PKHD1: variants seen among roughly 807,000 people sequenced by gnomAD.
PKHD1 encodes PKHD1 ciliary IPT domain containing fibrocystin/polyductin, also known as fibrocystin.
PKHD1 carries 291 observed loss-of-function variants against 412.0 expected under a neutral mutation model. The ratio of observed to expected loss-of-function variants is 0.71; its 90% CI spans 0.64 to 0.78. The LOEUF (loss-of-function observed/expected upper bound fraction) is 0.78. Among genes scored for constraint, PKHD1 ranks in the 30% least tolerant of loss-of-function variants. The probability of loss-of-function intolerance (pLI) is 0.00; values close to 1 mark genes in which losing one functional copy is unlikely to be tolerated. For missense variants in PKHD1, 4,825 were observed against 4,950.7 expected, an observed-to-expected ratio of 0.97 and a Z score of 0.76; for synonymous variants, 1,777 against 1,821.5, an observed-to-expected ratio of 0.98 and a Z score of 0.62.
intron 37 of PKHD1, among the ~76,000 whole-genome samples, chr6:51,929,317 T>C (rs1212961843): frequency 2.0e-5 from 3 of 152,168 alleles, no homozygotes; most frequent in African/African-American, 7.2e-5. Context: ...ACACCACAGC[T>C]AAAAGAATGA....
intron 37 of PKHD1, among the ~76,000 whole-genome samples, chr6:51,928,825 C>T (rs890992586): frequency 3.3e-5 from 5 of 152,114 alleles, no homozygotes; most frequent in African/African-American, 1.2e-4. Context: ...GTCCTGTGGA[C>T]ATTCGGACCC....
intron 52 of PKHD1, among the ~76,000 whole-genome samples, chr6:51,811,588 C>T (rs1440358345): frequency 6.6e-6 from 1 of 152,004 alleles, no homozygotes; most frequent in Non-Finnish European, 1.5e-5. Context: ...CTATTGGGTC[C>T]AAATATTGTC....
intron 10 of PKHD1, among the ~76,000 whole-genome samples, chr6:52,070,112 A>G (rs183859456): frequency 2.0e-5 from 3 of 152,294 alleles, no homozygotes; most frequent in African/African-American, 7.2e-5. Flanking sequence ...TCCTTATAAG[A>G]TACTTGTGAC....
chr6:51,625,099 A>G (rs1000927307), intron 66 of PKHD1, among the ~76,000 whole-genome samples: 2 of 152,186 alleles, frequency 1.3e-5, no homozygotes, highest in Non-Finnish European at 2.9e-5. Flanking sequence ...TGACCGTACC[A>G]TGCCATTTTT....
chr6:51,816,296 G>A (rs1166069691), intron 52 of PKHD1, among the ~76,000 whole-genome samples: 2 of 151,106 alleles, frequency 1.3e-5, no homozygotes, highest in Non-Finnish European at 3.0e-5. Flanking sequence ...TATGTTGGAA[G>A]CCCCCTACTT....
chr6:51,721,794 A>T (rs895104250), intron 60 of PKHD1: 1 of 1,458,642 alleles, frequency 6.9e-7, no homozygotes, highest in Non-Finnish European at 9.0e-7. Context: ...TATTTCTTTG[A>T]TCTGTACCAT....
chr6:51,903,847 A>G, intron 42 of PKHD1, 120 bp from the exon 43 acceptor site: 1 of 393,532 alleles, frequency 2.5e-6, no homozygotes, highest in Non-Finnish European at 4.4e-6. Context: ...ATATATATAT[A>G]TATATATATA....
At chr6:51,940,164 C>T (rs980520396) in intron 36 of PKHD1, among the ~76,000 whole-genome samples, 5 of 151,524 alleles carry the variant, frequency 3.3e-5, no homozygotes, top group Admixed American at 2.0e-4. Context: ...GTCAAAAGGC[C>T]GTCTTATTCT....
At chr6:51,871,394 G>A (rs1333708001) in intron 46 of PKHD1, among the ~76,000 whole-genome samples, 1 of 60,900 alleles carries the variant, frequency 1.6e-5, no homozygotes, top group African/African-American at 4.5e-5. Flanking sequence ...GAATCCCAAT[G>A]GCATTCAGGA....
chr6:51,944,599 CA>C (rs1245873623), intron 36 of PKHD1, among the ~76,000 whole-genome samples: 1 of 152,188 alleles, frequency 6.6e-6, no homozygotes, highest in Non-Finnish European at 1.5e-5. Context: ...TCATCCCCAA[CA>C]AATCAATATT....
rs771124127 is a variant in PKHD1, at chr6:51,912,339, C to T, written c.6332+27G>A. On this transcript the variant is annotated intron_variant, in intron 38 of 66. Transcript: ENST00000371117. ...GTTAAGATCTCATCTTCTTCCATGT[C>T]AACTTAGCCAAGCTGACACTCAGTA... is the stretch of plus-strand genomic sequence containing the variant. 12 of 1,457,080 alleles carry T rather than the reference C, an allele frequency of 8.2e-6. No individual in the cohort carries two copies. In the East Asian group the frequency reaches 2.3e-4, roughly 28 times the overall value. 90.3% of individuals were successfully genotyped at this position (1,457,080 alleles called of 1,614,324 possible).
intron 51 of PKHD1, among the ~76,000 whole-genome samples, chr6:51,833,151 T>C (rs1049085609): frequency 2.0e-5 from 3 of 152,258 alleles, no homozygotes; most frequent in South Asian, 4.1e-4. Flanking sequence ...TCCAGTGATA[T>C]TTCAAACAAG....
At chr6:52,058,196 T>C (rs1808080740) in intron 16 of PKHD1, 127 bp downstream of exon 16, 9 of 820,220 alleles carry the variant, frequency 1.1e-5, no homozygotes, top group Middle Eastern at 3.4e-4. Context: ...TAAAGAGATA[T>C]CCTATTTCTT....
chr6:51,935,876 G>A (rs900483497), intron 36 of PKHD1, among the ~76,000 whole-genome samples: 8 of 152,126 alleles, frequency 5.3e-5, no homozygotes, highest in Non-Finnish European at 8.8e-5. Context: ...GGAATGTTCT[G>A]ATATTCCCAT....
chr6:51,888,364 A>G (rs1225573487), intron 43 of PKHD1, among the ~76,000 whole-genome samples: 3 of 152,206 alleles, frequency 2.0e-5, no homozygotes, highest in East Asian at 3.8e-4. Context: ...TATAAATTCA[A>G]TGAAGTACCT....
intron 22 of PKHD1, among the ~76,000 whole-genome samples, chr6:52,049,869 T>C (rs543617144): frequency 6.6e-6 from 1 of 152,276 alleles, no homozygotes; most frequent in East Asian, 1.9e-4. Context: ...TCGGAATTAG[T>C]TCTCAAAGCG....
chr6:51,906,311 T>C lies in PKHD1; in HGVS notation c.6712A>G (p.Asn2238Asp), dbSNP rs751728205. The change falls in exon 41 of 67, where the codon AAC (asparagine) becomes GAC (aspartate). Residue 2238 changes from asparagine (N) to aspartate (D), a missense_variant. By Grantham distance (23) the Asn-to-Asp change is conservative. Coordinates refer to ENST00000371117, the MANE Select transcript of PKHD1 (RefSeq NM_138694.4). ...ESFIQGCTVR[N>D]SFSRGLSMCG... ...ATGCTGAGGCCTCTACTGAAGGAGT[T>C]CCTCACTGTGCAGCCCTGTATGAAA... The C allele has an allele frequency of 6.2e-7, 1 of 1,609,926 alleles. No individual in the cohort carries two copies. The highest frequency in any genetic ancestry group is 8.5e-7 in the Non-Finnish European group (1 of 1,176,478).
intron 55 of PKHD1, among the ~76,000 whole-genome samples, chr6:51,768,567 TGA>T (rs1283561486): frequency 2.0e-5 from 3 of 152,030 alleles, no homozygotes; most frequent in African/African-American, 4.8e-5. Flanking sequence ...TGAAGGCAAC[TGA>T]GAGTTTTTCA....
chr6:51,981,563 C>T (rs1263370642), intron 35 of PKHD1, among the ~76,000 whole-genome samples: 1 of 150,042 alleles, frequency 6.7e-6, no homozygotes, highest in Non-Finnish European at 1.5e-5. Context: ...GAGTGATCCG[C>T]CAGCCTCGGC....
Sources: gnomAD v4.1 joint callset for allele counts (sites outside exome capture counted in the v4.1 genomes callset) on GRCh38, gnomAD v4.1.1 for gene constraint, MANE v1.5 for transcripts, NCBI Gene and HGNC (gene_info 2026-07-23, HGNC 2026-07-21) for gene names.